Variants in CELF2 observed in about 807,000 individuals in gnomAD.
The protein encoded by CELF2 is CUGBP Elav-like family member 2, also known as CUG triplet repeat RNA-binding protein 2.
In CELF2, 8 loss-of-function variants were observed where a neutral mutation model predicts 62.6. The observed-to-expected ratio is 0.13, with a 90% CI of 0.07 to 0.23. The LOEUF is 0.23. Among genes scored for constraint, CELF2 ranks in the 10% least tolerant of loss-of-function variants. The pLI is 1.00. For missense variants in CELF2, 333 were observed against 671.0 expected (o/e 0.50, Z 5.56); for synonymous variants, 258 against 250.0 (o/e 1.03, Z -0.30).
the CELF2 span, among the ~76,000 whole-genome samples, chr10:10,515,832 T>G: frequency 6.6e-6 from 1 of 152,238 alleles, no homozygotes; most frequent in African/African-American, 2.4e-5. Context: ...GATCCTAAGA[T>G]GCACATTATT....
chr10:10,522,085 TC>T, the CELF2 span, among the ~76,000 whole-genome samples: 1 of 152,186 alleles, frequency 6.6e-6, no homozygotes, highest in East Asian at 1.9e-4. Flanking sequence ...CCTTGCAACT[TC>T]CTCACATCTA....
At chr10:10,534,021 A>G in the CELF2 span, among the ~76,000 whole-genome samples, 1 of 152,164 alleles carries the variant, frequency 6.6e-6, no homozygotes, top group African/African-American at 2.4e-5. Context: ...TGGAAATAGG[A>G]AGAAAATTAA....
intron 1 of CELF2, among the ~76,000 whole-genome samples, chr10:11,036,537 C>T (rs2060976270): frequency 6.6e-6 from 1 of 152,208 alleles, no homozygotes; most frequent in African/African-American, 2.4e-5. Context: ...TAAAAGTAGA[C>T]ATTTCATTGA....
At chr10:10,872,645 C>G (rs1207852832) in intron 1 of CELF2, among the ~76,000 whole-genome samples, 1 of 149,972 alleles carries the variant, frequency 6.7e-6, no homozygotes, top group Non-Finnish European at 1.5e-5. Flanking sequence ...TAAAATAAAC[C>G]CACAGAAGCA....
At chr10:10,933,149 AAAAGTTAGCCAGGC>A in intron 2 of CELF2, among the ~76,000 whole-genome samples, 1 of 151,768 alleles carries the variant, frequency 6.6e-6, no homozygotes, top group African/African-American at 2.4e-5. Context: ...AAAAAGGTAC[AAAAGTTAGCCAGGC>A]ATGGTGGCAC....
chr10:11,035,084 T>A (rs2060736466), intron 1 of CELF2, among the ~76,000 whole-genome samples: 1 of 152,188 alleles, frequency 6.6e-6, no homozygotes, highest in Non-Finnish European at 1.5e-5. Context: ...CCCTTTCTCT[T>A]GTCTGATCCT....
intron 1 of CELF2, among the ~76,000 whole-genome samples, chr10:10,831,623 A>C (rs1005374886): frequency 6.6e-6 from 1 of 152,154 alleles, no homozygotes; most frequent in Admixed American, 6.5e-5. Context: ...TCCCAAATCA[A>C]TGTTCCCCTA....
At chr10:10,474,605 C>A in the CELF2 span, among the ~76,000 whole-genome samples, 1 of 151,930 alleles carries the variant, frequency 6.6e-6, no homozygotes, top group Non-Finnish European at 1.5e-5. Flanking sequence ...TGTGTGACAA[C>A]CATGTAAAAT....
At chr10:11,271,499 GA>G (rs1020230392) in intron 7 of CELF2, among the ~76,000 whole-genome samples, 4 of 152,216 alleles carry the variant, frequency 2.6e-5, no homozygotes, top group African/African-American at 9.6e-5. Context: ...GAGGGCATCT[GA>G]ATGGAGCTTG....
intron 1 of CELF2, among the ~76,000 whole-genome samples, chr10:11,073,151 C>T (rs1046175906): frequency 1.3e-5 from 2 of 152,144 alleles, no homozygotes; most frequent in Admixed American, 6.5e-5. Flanking sequence ...GAAACATTCA[C>T]AAATCTGGAC....
Position 11,211,813 on chromosome 10 carries a change from A to AGAGAGT in CELF2, c.272-5611_272-5610insAGAGTG, listed in dbSNP as rs1373283373. Among the ~76,000 whole-genome samples, 5 of 89,358 alleles carry AGAGAGT rather than the reference A, an allele frequency of 5.6e-5. No individual in the cohort carries two copies. Among genetic ancestry groups the AGAGAGT allele is most frequent in the African/African-American group, 1.9e-4 (4 of 21,212 alleles). The allele number at this position is 89,358 out of a possible 152,430, so 58.6% of individuals were successfully genotyped here. On this transcript the variant is annotated intron_variant, in intron 2 of 12. Coordinates refer to ENST00000633077, the MANE Select transcript of CELF2 (RefSeq NM_001326342.2). The surrounding 1 kb of genome is among the most constrained non-coding windows in gnomAD (Gnocchi z 4.8). ...GTGTGAGAGAGAGAGAGAGAGAGAG[A>AGAGAGT]GTGTGTGTGTGTGTGTGTGTGTGTG...
At chr10:11,032,191 A>G (rs978944624) in intron 1 of CELF2, among the ~76,000 whole-genome samples, 158 of 140,372 alleles carry the variant, frequency 1.1e-3, no homozygotes, top group African/African-American at 3.9e-3. Flanking sequence ...GGGGCCACCC[A>G]CTACATCATG....
At chr10:10,518,533 T>C in the CELF2 span, among the ~76,000 whole-genome samples, 1 of 152,154 alleles carries the variant, frequency 6.6e-6, no homozygotes, top group Admixed American at 6.5e-5. Flanking sequence ...ATCTCAAACA[T>C]GGCAAGAGTA....
At chr10:10,535,712 C>T in the CELF2 span, among the ~76,000 whole-genome samples, 12 of 152,044 alleles carry the variant, frequency 7.9e-5, no homozygotes, top group African/African-American at 2.9e-4. Context: ...GAGTGAGACT[C>T]TTTGTCTCCA....
the CELF2 span, among the ~76,000 whole-genome samples, chr10:10,624,193 C>A: frequency 1.3e-5 from 2 of 152,198 alleles, no homozygotes; most frequent in Non-Finnish European, 2.9e-5. Context: ...CTTATCATCC[C>A]CTCTGCTTTA....
the CELF2 span, among the ~76,000 whole-genome samples, chr10:10,541,229 T>C: frequency 0.79 from 109,520 of 138,944 alleles, 44,102 homozygotes; most frequent in Middle Eastern, 0.93. Context: ...GGCGACAGAA[T>C]GAGACCCCAT....
At position 11,330,177 on chromosome 10, in the gene CELF2, T is replaced by A. The variant is rs529710974; in HGVS notation, c.*1124T>A. 3 of 152,768 alleles carry A rather than the reference T, an allele frequency of 2.0e-5. No individual in the cohort carries two copies. In the South Asian group the frequency reaches 6.2e-4, roughly 32 times the overall value. 9.5% of individuals were successfully genotyped at this position (152,768 alleles called of 1,614,324 possible). A position where few individuals can be genotyped will look rare whatever the true frequency, so the allele number is the denominator to read the frequency against. ...AGTTTACAGTTCAGTCGTCTGACTT[T>A]CCCCGTATGTCACATTTGTTGAAAC... On this transcript the variant is annotated 3_prime_UTR_variant, in exon 13 of 13. Transcript: ENST00000633077. This position sits in a 1 kb window ranked among gnomAD's most constrained non-coding sequence, Gnocchi z 4.5.
chr10:10,737,543 A>G, the CELF2 span, among the ~76,000 whole-genome samples: 1 of 152,146 alleles, frequency 6.6e-6, no homozygotes, highest in African/African-American at 2.4e-5. Context: ...GACAGCACGC[A>G]AGATGGAATA....
At position 11,280,480 on chromosome 10, in the gene CELF2, A is replaced by G. The variant is rs577006298; in HGVS notation, c.841+5360A>G. On this transcript the variant is annotated intron_variant, in intron 8 of 12. Coordinates refer to ENST00000633077, the MANE Select transcript of CELF2 (RefSeq NM_001326342.2). The surrounding 1 kb of genome is among the most constrained non-coding windows in gnomAD (Gnocchi z 7.6). ...AGGTGCGATGTCCACGTTCCGGGTG[A>G]TGGCGCTGTGGCTGTGGATCCATCT... is the stretch of plus-strand genomic sequence containing the variant. 2.6e-5 allele frequency among the ~76,000 whole-genome samples: 4 copies of G among 152,296 alleles called. No homozygotes were observed. The South Asian group carries it at 8.3e-4, about 32-fold the overall frequency.
Sources: gnomAD v4.1 joint callset for allele counts (sites outside exome capture counted in the v4.1 genomes callset) on GRCh38, gnomAD v4.1.1 for gene constraint, Gnocchi (gnomAD v3.1) non-coding constraint, MANE v1.5 for transcripts, NCBI Gene and HGNC (gene_info 2026-07-23, HGNC 2026-07-21) for gene names.